Variants in TTC28 observed in about 807,000 individuals in gnomAD.
TTC28 encodes the protein tetratricopeptide repeat protein 28.
TTC28 carries 61 observed loss-of-function variants against 198.0 expected under a neutral mutation model. The observed-to-expected ratio is 0.31, with a 90% CI of 0.25 to 0.38. The LOEUF is 0.38. Ranked by LOEUF, TTC28 falls within the 10% of genes least tolerant of loss-of-function variation. The probability of loss-of-function intolerance (pLI) is 1.00; values close to 1 mark genes in which losing one functional copy is unlikely to be tolerated. For synonymous variants in TTC28, 1,171 were observed against 1,297.8 expected, an observed-to-expected ratio of 0.90 and a Z score of 2.10; for missense variants, 2,678 against 3,164.0, an observed-to-expected ratio of 0.85 and a Z score of 3.69.
Position 27,993,364 on chromosome 22 carries a change from G to C in TTC28, c.5399C>G (p.Pro1800Arg). 6.4e-7 allele frequency: 1 copy of C among 1,550,952 alleles called. No individual in the cohort carries two copies. Among genetic ancestry groups the C allele is most frequent in the South Asian group, 1.2e-5 (1 of 84,032 alleles). Residue 1800 changes from proline to arginine, a missense_variant, in exon 18 of 23, where the codon CCA (proline) becomes CGA (arginine). Around this residue, in one of 8 missense-constraint regions of TTC28, gnomAD observed 314 missense variants for 442.7 expected, o/e 0.71. Coordinates refer to ENST00000397906, the MANE Select transcript of TTC28 (RefSeq NM_001145418.2). ...GGAGGTTGGGAAGAAGACAGCCGCT[G>C]GCAGGCCACTGGTTGGGGGGTCCAG... ...FRLDPPTSGL[P>R]AAVFFPTSDP...
chr22:28,400,922 C>T (rs2046896344), intron 2 of TTC28, among the ~76,000 whole-genome samples: 1 of 152,162 alleles, frequency 6.6e-6, no homozygotes, highest in South Asian at 2.1e-4. Flanking sequence ...TAGATTCAAA[C>T]ATTTTTTAAA....
chr22:28,276,137 G>C (rs1035164358), intron 5 of TTC28, among the ~76,000 whole-genome samples: 7 of 151,470 alleles, frequency 4.6e-5, no homozygotes, highest in Non-Finnish European at 8.8e-5. Flanking sequence ...TCAGCCTCCC[G>C]AGTAGCTGGG....
At chr22:28,193,225 C>A (rs1223477274) in intron 5 of TTC28, among the ~76,000 whole-genome samples, 1 of 152,168 alleles carries the variant, frequency 6.6e-6, no homozygotes, top group Non-Finnish European at 1.5e-5. Context: ...CCTTTACAGA[C>A]AAGCGAATGC....
At chr22:28,324,264 C>T (rs1005396725) in intron 2 of TTC28, among the ~76,000 whole-genome samples, 1 of 151,970 alleles carries the variant, frequency 6.6e-6, no homozygotes, top group African/African-American at 2.4e-5. Flanking sequence ...CCAGCCTAGG[C>T]AACATGGCAA....
chr22:28,311,020 T>C (rs2045246870), intron 2 of TTC28, among the ~76,000 whole-genome samples: 1 of 152,150 alleles, frequency 6.6e-6, no homozygotes, highest in Non-Finnish European at 1.5e-5. Flanking sequence ...CCTCAAATGA[T>C]CTACCCACCT....
chr22:28,009,487 G>A (rs1028284016), intron 14 of TTC28, among the ~76,000 whole-genome samples: 6 of 152,216 alleles, frequency 3.9e-5, no homozygotes, highest in Admixed American at 2.0e-4. Context: ...CTCTGGAGCC[G>A]GCTAGCGGTG....
chr22:28,336,709 A>G (rs1417066941), intron 2 of TTC28, among the ~76,000 whole-genome samples: 1 of 150,822 alleles, frequency 6.6e-6, no homozygotes, highest in Non-Finnish European at 1.5e-5. Flanking sequence ...TTTTTATTGC[A>G]TCTATTTGAT....
At chr22:27,990,045 C>T in intron 20 of TTC28, 38 bp from the exon 21 acceptor site, 3 of 1,535,442 alleles carry the variant, frequency 2.0e-6, no homozygotes, top group Non-Finnish European at 2.6e-6. Context: ...CCTGTGTCTC[C>T]TTCCCCTCCA....
At chr22:28,271,495 T>C (rs1442670921) in intron 5 of TTC28, among the ~76,000 whole-genome samples, 3 of 152,194 alleles carry the variant, frequency 2.0e-5, no homozygotes, top group Admixed American at 1.3e-4. Flanking sequence ...TCATCTTGAA[T>C]TGTAGTTCCC....
chr22:28,474,391 C>G (rs982013723), intron 2 of TTC28, among the ~76,000 whole-genome samples: 2 of 152,126 alleles, frequency 1.3e-5, no homozygotes, highest in Non-Finnish European at 2.9e-5. Flanking sequence ...GAAGACAAGG[C>G]TAAAAACTGG....
At chr22:28,156,272 G>A (rs1943746628) in intron 6 of TTC28, among the ~76,000 whole-genome samples, 1 of 152,190 alleles carries the variant, frequency 6.6e-6, no homozygotes, top group Admixed American at 6.5e-5. Flanking sequence ...CTTTATTGGA[G>A]AAACGCAAGT....
In TTC28 at chr22:28,094,153, C is replaced by T. The variant is rs1417335514; in HGVS notation, c.3859G>A (p.Ala1287Thr). 6.4e-7 allele frequency: 1 copy of T among 1,551,648 alleles called. No individual in the cohort carries two copies. Among genetic ancestry groups the T allele is most frequent in the East Asian group, 2.4e-5 (1 of 40,918 alleles). Residue 1287 changes from alanine (A) to threonine (T), a missense_variant, in exon 12 of 23, where the codon GCA becomes ACA. By Grantham distance (58) the Ala-to-Thr change is moderately conservative (BLOSUM62 0). Coordinates refer to ENST00000397906, the MANE Select transcript of TTC28 (RefSeq NM_001145418.2). ...TGCTGCTCCAGGGCTGAGCCGGTTG[C>T]TGTTGGAAGGGTTACACTGCTGCTG... ...QASSSVTLPTATGSALEQHIA... is the reference protein window; with the variant it reads ...QASSSVTLPTTTGSALEQHIA...
At chr22:28,375,653 G>A (rs530055618) in intron 2 of TTC28, among the ~76,000 whole-genome samples, 5 of 152,266 alleles carry the variant, frequency 3.3e-5, no homozygotes, top group South Asian at 2.1e-4. Context: ...ACAAGATTAC[G>A]GAATACCTAG....
intron 2 of TTC28, among the ~76,000 whole-genome samples, chr22:28,452,202 A>C (rs1207627422): frequency 6.6e-6 from 1 of 152,016 alleles, no homozygotes; most frequent in Non-Finnish European, 1.5e-5. Flanking sequence ...ATCCTGGCTA[A>C]CATGGTGAAA....
chr22:27,999,546 A>G, intron 15 of TTC28: 1 of 418,020 alleles, frequency 2.4e-6, no homozygotes, highest in South Asian at 3.6e-5. Flanking sequence ...CAGAGTGGAC[A>G]GAGGCCGTGG....
At chr22:28,354,840 T>C (rs1039400784) in intron 2 of TTC28, among the ~76,000 whole-genome samples, 1 of 152,046 alleles carries the variant, frequency 6.6e-6, no homozygotes, top group African/African-American at 2.4e-5. Context: ...TTTTTTAATA[T>C]ACTTTAAGTT....
intron 2 of TTC28, among the ~76,000 whole-genome samples, chr22:28,404,277 G>A (rs1385084223): frequency 6.6e-6 from 1 of 151,814 alleles, no homozygotes; most frequent in African/African-American, 2.4e-5. Context: ...CCACCACTAC[G>A]CCCGGCTAAT....
chr22:28,624,219 A>T (rs905455247), intron 2 of TTC28, among the ~76,000 whole-genome samples: 1 of 152,146 alleles, frequency 6.6e-6, no homozygotes, highest in Non-Finnish European at 1.5e-5. Context: ...TCTACTAAAA[A>T]TACAAAAAAT....
intron 2 of TTC28, among the ~76,000 whole-genome samples, chr22:28,604,297 T>TTATATATATATATA (rs35077140): frequency 7.2e-4 from 82 of 114,130 alleles, no homozygotes; most frequent in East Asian, 1.3e-3. Flanking sequence ...AAAAAAAAAA[T>TTATATATATATATA]TATATATATA....
Sources: allele counts gnomAD v4.1 joint callset (sites outside exome capture counted in the v4.1 genomes callset), GRCh38; gene constraint gnomAD v4.1.1; regional missense constraint gnomAD v4.1.1; transcripts MANE v1.5; gene names NCBI Gene and HGNC (gene_info 2026-07-23, HGNC 2026-07-21).